The following RALYL variants were observed in gnomAD, a reference collection of about 807,000 sequenced individuals.
The protein encoded by RALYL is RALY RNA binding protein like, also known as RNA-binding Raly-like protein.
A neutral mutation model predicts 35.1 loss-of-function variants in RALYL; 29 were observed. The ratio of observed to expected loss-of-function variants is 0.83; its 90% confidence interval spans 0.61 to 1.13. The LOEUF is 1.13. Ranked by LOEUF, RALYL falls within the 50% of genes most tolerant of loss-of-function variation. The probability of loss-of-function intolerance (pLI) is 0.00; values close to 1 mark genes in which losing one functional copy is unlikely to be tolerated. For missense variants in RALYL, 359 were observed against 360.4 expected (o/e 1.00, Z 0.03); for synonymous variants, 120 against 127.6 (o/e 0.94, Z 0.40).
At chr8:84,920,259 C>A (rs1849112837) in intron 8 of RALYL, among the ~76,000 whole-genome samples, 1 of 152,014 alleles carries the variant, frequency 6.6e-6, no homozygotes, top group South Asian at 2.1e-4. Context: ...AAGATAAATA[C>A]ATAATTTTCC....
At chr8:84,478,152 T>A (rs1028315285) in intron 1 of RALYL, among the ~76,000 whole-genome samples, 5 of 152,156 alleles carry the variant, frequency 3.3e-5, no homozygotes, top group Non-Finnish European at 4.4e-5. Context: ...GTAGATTTTT[T>A]AAATGAGTTA....
chr8:84,861,796 G>A (rs556597031), intron 5 of RALYL, among the ~76,000 whole-genome samples: 1 of 152,236 alleles, frequency 6.6e-6, no homozygotes, highest in Non-Finnish European at 1.5e-5. Flanking sequence ...TCTTGAAGCT[G>A]GTTTTACTTT....
intron 1 of RALYL, among the ~76,000 whole-genome samples, chr8:84,523,147 T>A (rs1182112304): frequency 2.0e-5 from 3 of 152,004 alleles, no homozygotes; most frequent in Admixed American, 6.6e-5. Context: ...CTGGAATTGA[T>A]AAAGGAAAGG....
chr8:84,687,092 T>A (rs936591411), intron 2 of RALYL, among the ~76,000 whole-genome samples: 3 of 152,200 alleles, frequency 2.0e-5, no homozygotes, highest in African/African-American at 7.2e-5. Context: ...TCTGATATAT[T>A]ACAAACTTGA....
chr8:84,846,424 T>C (rs910928820), intron 4 of RALYL, among the ~76,000 whole-genome samples: 2 of 152,232 alleles, frequency 1.3e-5, no homozygotes, highest in Admixed American at 6.5e-5. Flanking sequence ...GCATTCTTGA[T>C]TTGGCTCTCA....
intron 2 of RALYL, among the ~76,000 whole-genome samples, chr8:84,663,014 G>T (rs922684046): frequency 4.0e-5 from 6 of 151,804 alleles, no homozygotes; most frequent in Non-Finnish European, 5.9e-5. Context: ...CTCAAGTGTG[G>T]GTTACTCTCC....
At chr8:84,642,893 C>T (rs1826684799) in intron 2 of RALYL, among the ~76,000 whole-genome samples, 2 of 152,022 alleles carry the variant, frequency 1.3e-5, no homozygotes, top group Non-Finnish European at 1.5e-5. Context: ...AGAGCCTCAG[C>T]ACCCCACACC....
intron 1 of RALYL, among the ~76,000 whole-genome samples, chr8:84,283,088 G>A (rs1836923106): frequency 6.6e-6 from 1 of 151,962 alleles, no homozygotes; most frequent in African/African-American, 2.4e-5. Context: ...GTATAATGAA[G>A]GAATTTGAAA....
At chr8:84,333,860 G>A (rs1213289735) in intron 1 of RALYL, among the ~76,000 whole-genome samples, 1 of 152,122 alleles carries the variant, frequency 6.6e-6, no homozygotes, top group Non-Finnish European at 1.5e-5. Context: ...AGGGGTGGGG[G>A]CAGCTTGAAA....
intron 2 of RALYL, among the ~76,000 whole-genome samples, chr8:84,726,039 G>A (rs1380904700): frequency 6.6e-6 from 1 of 150,934 alleles, no homozygotes; most frequent in African/African-American, 2.4e-5. Context: ...AGGCAACTAA[G>A]TATTTCTTTG....
intron 1 of RALYL, among the ~76,000 whole-genome samples, chr8:84,259,152 G>A (rs1003109062): frequency 6.6e-6 from 1 of 152,126 alleles, no homozygotes; most frequent in African/African-American, 2.4e-5. Context: ...GAAAGAAATA[G>A]GGCCAGAGGG....
Position 84,660,197 on chromosome 8 carries a change from T to C in RALYL, c.257-114382T>C, listed in dbSNP as rs538858697. On this transcript the variant is annotated intron_variant, in intron 2 of 8. Coordinates refer to ENST00000521268, the MANE Select transcript of RALYL (RefSeq NM_173848.7). ...AAGATATTTGTTCTAAATTTTCAAA[T>C]TTATGTACATAAAGTTGAGAATTGA... Among the ~76,000 whole-genome samples the C allele has an allele frequency of 1.2e-3, 188 of 152,266 alleles. 2 individuals carry two copies. Among genetic ancestry groups the C allele is most frequent in the African/African-American group, 4.1e-3 (169 of 41,570 alleles).
At chr8:84,425,681 A>T (rs928103491) in intron 1 of RALYL, among the ~76,000 whole-genome samples, 1 of 152,108 alleles carries the variant, frequency 6.6e-6, no homozygotes, top group Non-Finnish European at 1.5e-5. Flanking sequence ...TCCTATCCTG[A>T]TGCTATTGGA....
At chr8:84,878,483 G>A (rs752579397) in intron 7 of RALYL, among the ~76,000 whole-genome samples, 2 of 151,710 alleles carry the variant, frequency 1.3e-5, no homozygotes, top group Non-Finnish European at 2.9e-5. Context: ...ATATTTTAAT[G>A]CCCTACTGTT....
At chr8:84,304,619 A>G (rs911608931) in intron 1 of RALYL, among the ~76,000 whole-genome samples, 6 of 152,180 alleles carry the variant, frequency 3.9e-5, no homozygotes, top group African/African-American at 1.4e-4. Flanking sequence ...TTTTTAAAAG[A>G]AGTGACTTCT....
intron 5 of RALYL, among the ~76,000 whole-genome samples, chr8:84,852,675 T>G (rs1343659487): frequency 6.6e-6 from 1 of 152,208 alleles, no homozygotes; most frequent in Non-Finnish European, 1.5e-5. Flanking sequence ...GAGACCCAAG[T>G]TCTGGTTGTT....
intron 1 of RALYL, among the ~76,000 whole-genome samples, chr8:84,334,440 C>T (rs1397555075): frequency 1.3e-5 from 2 of 151,480 alleles, no homozygotes; most frequent in East Asian, 1.9e-4. Context: ...TTCTTTTATA[C>T]ATAAATGCTT....
At chr8:84,728,099 A>T (rs1845361392) in intron 2 of RALYL, among the ~76,000 whole-genome samples, 1 of 151,312 alleles carries the variant, frequency 6.6e-6, no homozygotes, top group Non-Finnish European at 1.5e-5. Context: ...AACAGTGTAA[A>T]AGTGTTCCTA....
At chr8:84,377,927 A>T (rs16912740) in intron 1 of RALYL, among the ~76,000 whole-genome samples, 1 of 151,834 alleles carries the variant, frequency 6.6e-6, no homozygotes, top group African/African-American at 2.4e-5. Flanking sequence ...TAAATAATAG[A>T]TTGTGAGAAT....
Sources: gnomAD v4.1 joint callset for allele counts (sites outside exome capture counted in the v4.1 genomes callset) on GRCh38, gnomAD v4.1.1 for gene constraint, MANE v1.5 for transcripts, NCBI Gene and HGNC (gene_info 2026-07-23, HGNC 2026-07-21) for gene names.